FAM120A: variants seen among roughly 807,000 people sequenced by gnomAD.
FAM120A encodes family with sequence similarity 120 member A.
Under a neutral mutation model 109.7 loss-of-function variants are expected in FAM120A, and 15 were observed. The ratio of observed to expected loss-of-function variants is 0.14; its 90% CI spans 0.09 to 0.21. FAM120A has a LOEUF of 0.21. FAM120A is among the 10% of genes least tolerant of loss of function. The pLI, the probability that FAM120A is intolerant of heterozygous loss-of-function variation, is 1.00. For missense variants in FAM120A, 899 were observed against 1,439.3 expected, an observed-to-expected ratio of 0.62 and a Z score of 6.07; for synonymous variants, 493 against 572.8, an observed-to-expected ratio of 0.86 and a Z score of 1.99.
At chr9:93,491,614 G>A (rs558632067) in intron 3 of FAM120A, among the ~76,000 whole-genome samples, 18 of 152,254 alleles carry the variant, frequency 1.2e-4, no homozygotes, top group African/African-American at 3.9e-4. Context: ...TCTTTCAAAG[G>A]TCTTTTCCAG....
At chr9:93,544,803 G>T (rs561339350) in intron 11 of FAM120A, among the ~76,000 whole-genome samples, 2 of 152,246 alleles carry the variant, frequency 1.3e-5, no homozygotes, top group East Asian at 1.9e-4. Context: ...CTGCCTGGGG[G>T]TGCACACCTC....
rs1169722072 is a variant in FAM120A, at chr9:93,543,325, C to T, written c.2013C>T (p.Asn671=). The T allele has an allele frequency of 6.2e-7, 1 of 1,614,198 alleles. No homozygotes were observed. The highest frequency in any genetic ancestry group is 1.1e-5 in the South Asian group (1 of 91,090). Residue 671 remains asparagine, a synonymous_variant, in exon 11 of 18, where the codon AAC becomes AAT. Coordinates refer to ENST00000277165, the MANE Select transcript of FAM120A (RefSeq NM_014612.5). ...ALAFREWTCP[N]LKRLWLGKAV... is the part of the protein sequence containing the mutation. ...CCTTCAGGGAGTGGACCTGCCCCAA[C>T]CTGAAGAGGCTGTGGTTGGGTAAGG...
chr9:93,486,851 G>T (rs10821139), intron 3 of FAM120A, among the ~76,000 whole-genome samples: 39,958 of 151,964 alleles, frequency 0.26, 6,480 homozygotes, highest in East Asian at 0.43. Flanking sequence ...AGCTTTTTGA[G>T]GAACCACCAA....
At chr9:93,453,024 G>T (rs1564300187) in intron 1 of FAM120A, 1 of 1,172,972 alleles carries the variant, frequency 8.5e-7, no homozygotes, top group African/African-American at 1.6e-5. Context: ...ATGGCTTTTT[G>T]TGTTAGATTT....
At chr9:93,453,339 C>T in intron 1 of FAM120A, 1 of 985,752 alleles carries the variant, frequency 1.0e-6, no homozygotes, top group Non-Finnish European at 1.2e-6. Flanking sequence ...ACTTCAGGAC[C>T]CAGCAGTGAC....
intron 7 of FAM120A, among the ~76,000 whole-genome samples, chr9:93,522,595 A>AT (rs1389589786): frequency 6.6e-6 from 1 of 151,784 alleles, no homozygotes; most frequent in Non-Finnish European, 1.5e-5. Flanking sequence ...AATTACTGAC[A>AT]TTTTTAAATG....
intron 3 of FAM120A, among the ~76,000 whole-genome samples, chr9:93,492,103 G>C (rs1424583382): frequency 6.6e-6 from 1 of 151,952 alleles, no homozygotes; most frequent in East Asian, 1.9e-4. Context: ...AAGTCTTGAT[G>C]TGTTTTTTTC....
chr9:93,562,637 G>GT (rs1215556807), intron 17 of FAM120A, among the ~76,000 whole-genome samples: 4 of 148,860 alleles, frequency 2.7e-5, no homozygotes, highest in Non-Finnish European at 6.0e-5. Flanking sequence ...GCCACTTGTA[G>GT]TTTCTTTTTT....
intron 11 of FAM120A, among the ~76,000 whole-genome samples, chr9:93,546,651 G>A (rs1861903148): frequency 6.6e-6 from 1 of 152,182 alleles, no homozygotes; most frequent in Admixed American, 6.5e-5. Flanking sequence ...GCAGCGGAGT[G>A]CTGGCCCTTT....
At position 93,516,439 on chromosome 9, in the gene FAM120A, A is replaced by T. The variant is rs558906634; in HGVS notation, c.1418+170A>T. ...GCTCCTTGGACAGAGAGGAGAGAGG[A>T]AGAGTAGGTATGTTCTTGAAGTTTC... On this transcript the variant is annotated intron_variant, in intron 7 of 17. Coordinates refer to ENST00000277165, the MANE Select transcript of FAM120A (RefSeq NM_014612.5). Among the ~76,000 whole-genome samples the T allele has an allele frequency of 3.3e-5, 5 of 152,152 alleles. No individual in the cohort carries two copies. The East Asian group carries it at 7.7e-4, about 24-fold the overall frequency.
chr9:93,486,133 G>T (rs1457361679), intron 3 of FAM120A, among the ~76,000 whole-genome samples: 1 of 151,866 alleles, frequency 6.6e-6, no homozygotes, highest in Non-Finnish European at 1.5e-5. Context: ...CCACCACACT[G>T]GGCTAATGTT....
chr9:93,517,340 G>A (rs1040353615), intron 7 of FAM120A, among the ~76,000 whole-genome samples: 5 of 152,194 alleles, frequency 3.3e-5, no homozygotes, highest in East Asian at 1.9e-4. Context: ...AGTTGCAATT[G>A]AATATTCAAA....
intron 3 of FAM120A, among the ~76,000 whole-genome samples, chr9:93,488,388 G>A (rs953611776): frequency 4.6e-5 from 7 of 151,774 alleles, no homozygotes; most frequent in Non-Finnish European, 8.8e-5. Flanking sequence ...TCTCCTCACC[G>A]GGGCCCTCCT....
chr9:93,480,525 A>G (rs898815164), intron 3 of FAM120A, among the ~76,000 whole-genome samples: 2 of 152,098 alleles, frequency 1.3e-5, no homozygotes, highest in Non-Finnish European at 2.9e-5. Context: ...CAGACACCCA[A>G]GCCTGAGGCT....
intron 10 of FAM120A, among the ~76,000 whole-genome samples, chr9:93,541,021 A>G (rs916421439): frequency 6.8e-6 from 1 of 147,554 alleles, no homozygotes; most frequent in Non-Finnish European, 1.5e-5. Context: ...CACAACCTAA[A>G]CCCATGCTCT....
chr9:93,498,779 C>T lies in FAM120A; in HGVS notation c.934-11C>T. 1 of 1,562,258 alleles carries T rather than the reference C, an allele frequency of 6.4e-7. No individual in the cohort carries two copies. Among genetic ancestry groups the T allele is most frequent in the Non-Finnish European group, 8.8e-7 (1 of 1,133,108 alleles). ...CACTAATTTATGAAGGTTTTCCTGC[C>T]TTTATTTCAGTCTAGAACAGATGAC... On this transcript the variant is annotated splice_polypyrimidine_tract_variant and intron_variant, in intron 4 of 17. Coordinates refer to ENST00000277165, the MANE Select transcript of FAM120A (RefSeq NM_014612.5). The surrounding 1 kb of genome is among the most constrained non-coding windows in gnomAD (Gnocchi z 4.4).
chr9:93,520,589 T>C (rs1253245100), intron 7 of FAM120A, among the ~76,000 whole-genome samples: 1 of 152,240 alleles, frequency 6.6e-6, no homozygotes, highest in African/African-American at 2.4e-5. Flanking sequence ...CATTGCTGAA[T>C]GTTGTCATGA....
chr9:93,530,087 C>A, intron 9 of FAM120A: 1 of 176,610 alleles, frequency 5.7e-6, no homozygotes, highest in Non-Finnish European at 1.2e-5. Flanking sequence ...AAATATAATA[C>A]AGGATTTTGT....
intron 7 of FAM120A, among the ~76,000 whole-genome samples, chr9:93,526,883 C>G (rs1395103237): frequency 6.6e-6 from 1 of 152,228 alleles, no homozygotes; most frequent in Non-Finnish European, 1.5e-5. Context: ...TCTGCATCCT[C>G]TATAGCGCTA....
Sources: gnomAD v4.1 joint callset for allele counts (sites outside exome capture counted in the v4.1 genomes callset) on GRCh38, gnomAD v4.1.1 for gene constraint, Gnocchi (gnomAD v3.1) non-coding constraint, MANE v1.5 for transcripts, NCBI Gene and HGNC (gene_info 2026-07-23, HGNC 2026-07-21) for gene names.